Variants in CCDC7 observed in about 807,000 individuals in gnomAD.
CCDC7 encodes the protein coiled-coil domain containing 7, also known as coiled-coil domain-containing protein 7.
CCDC7 carries 183 observed loss-of-function variants against 196.9 expected under a neutral mutation model. The observed-to-expected ratio is 0.93, with a 90% CI of 0.82 to 1.05. The LOEUF (loss-of-function observed/expected upper bound fraction) is 1.05. CCDC7 is among the 50% of genes least tolerant of loss of function. The pLI, the probability that CCDC7 is intolerant of heterozygous loss-of-function variation, is 0.00. For synonymous variants in CCDC7, 525 were observed against 484.6 expected, an observed-to-expected ratio of 1.08 and a Z score of -1.10; for missense variants, 1,540 against 1,482.2, an observed-to-expected ratio of 1.04 and a Z score of -0.64.
At chr10:32,463,336 C>T (rs1226729892) in intron 5 of CCDC7, among the ~76,000 whole-genome samples, 9 of 152,022 alleles carry the variant, frequency 5.9e-5, no homozygotes, top group Admixed American at 5.2e-4. Context: ...TTCCAATTTA[C>T]ATAAAAGGGT....
chr10:32,758,782 A>C (rs542281656), intron 28 of CCDC7, among the ~76,000 whole-genome samples: 4 of 152,304 alleles, frequency 2.6e-5, no homozygotes, highest in African/African-American at 9.6e-5. Flanking sequence ...AAGGGTATTC[A>C]ATTAGGAAAA....
intron 24 of CCDC7, among the ~76,000 whole-genome samples, chr10:32,704,980 C>A (rs1404597261): frequency 3.9e-5 from 6 of 152,148 alleles, no homozygotes; most frequent in African/African-American, 7.2e-5. Context: ...CGATGCCTCG[C>A]CCTGCTTCGG....
intron 5 of CCDC7, among the ~76,000 whole-genome samples, chr10:32,463,853 G>A (rs1222955620): frequency 6.6e-6 from 1 of 152,100 alleles, no homozygotes; most frequent in Non-Finnish European, 1.5e-5. Flanking sequence ...GTTTGCTTTA[G>A]GATACATTTG....
At chr10:32,852,926 A>G (rs184620613) in intron 40 of CCDC7, among the ~76,000 whole-genome samples, 35 of 152,316 alleles carry the variant, frequency 2.3e-4, no homozygotes, top group Non-Finnish European at 4.3e-4. Flanking sequence ...TAAAATAATA[A>G]GCAAAATCCT....
intron 1 of CCDC7, 37 bp downstream of exon 1, chr10:32,446,434 A>G (rs1235859381): frequency 6.6e-6 from 1 of 152,222 alleles, no homozygotes. Flanking sequence ...CGGCTCCCTT[A>G]GCAGGACCTG....
In CCDC7 at chr10:32,584,895, T is replaced by C. The variant is rs192210834; in HGVS notation, c.1801+591T>C. ...AGTATGTGGCATTATGAATTCTTAA[T>C]ATGACACCCGAAATTAATCTGAGCA... is the stretch of plus-strand genomic sequence containing the variant. On this transcript the variant is annotated intron_variant, in intron 18 of 41. Coordinates refer to ENST00000639629, the Ensembl canonical transcript of CCDC7. Among the ~76,000 whole-genome samples, 297 of 152,102 alleles carry C rather than the reference T, an allele frequency of 2.0e-3. 1 individual carries two copies. Among genetic ancestry groups the C allele is most frequent in the Middle Eastern group, 6.8e-3 (2 of 294 alleles).
chr10:32,486,896 T>C (rs373704585), intron 8 of CCDC7, among the ~76,000 whole-genome samples: 4 of 152,118 alleles, frequency 2.6e-5, no homozygotes, highest in South Asian at 2.1e-4. Context: ...TGTTGGTAAC[T>C]GGACCTTTCT....
intron 37 of CCDC7, among the ~76,000 whole-genome samples, chr10:32,847,383 G>A (rs2093344759): frequency 6.6e-6 from 1 of 152,216 alleles, no homozygotes; most frequent in Non-Finnish European, 1.5e-5. Context: ...ATAACTGTTT[G>A]TGAGAGTTCC....
intron 18 of CCDC7, among the ~76,000 whole-genome samples, chr10:32,619,352 T>C (rs2063123146): frequency 6.6e-6 from 1 of 151,928 alleles, no homozygotes; most frequent in African/African-American, 2.4e-5. Context: ...GAGATAAATA[T>C]ACAAAAATCA....
At chr10:32,443,441 T>C (rs953014352), upstream of CCDC7, among the ~76,000 whole-genome samples, 2 of 140,844 alleles carry the variant, frequency 1.4e-5, 1 homozygote, top group Middle Eastern at 7.2e-3. Flanking sequence ...ATAATATGTA[T>C]GGTATGTGTC....
exon 32 of CCDC7, chr10:32,824,528 A>G (rs761745273): frequency 1.2e-6 from 2 of 1,605,622 alleles, no homozygotes; most frequent in South Asian, 2.2e-5. Context: ...AGACTGATGA[A>G]CGATTGCATA....
rs113888697 is a variant in CCDC7, at chr10:32,456,288, C to T, written c.410C>T (p.Ser137Leu). The T allele has an allele frequency of 3.4e-5, 53 of 1,566,334 alleles. No homozygotes were observed. The highest frequency in any genetic ancestry group is 3.1e-4 in the African/African-American group (23 of 74,376). Residue 137 changes from serine to leucine, a missense_variant, in exon 3 of 42, where the codon TCG (serine) becomes TTG (leucine). Transcript: ENST00000639629. ...ATGAATTCATTCTTGACATATTGTT[C>T]GCAATTTGCAGCTCAGCTAGAAGAA...
intron 28 of CCDC7, among the ~76,000 whole-genome samples, chr10:32,742,761 G>T (rs973616142): frequency 6.6e-6 from 1 of 152,170 alleles, no homozygotes; most frequent in Non-Finnish European, 1.5e-5. Context: ...CCTTCTCACT[G>T]TACCTTCATG....
intron 3 of CCDC7, among the ~76,000 whole-genome samples, chr10:32,461,019 C>A (rs534899310): frequency 6.6e-6 from 1 of 152,026 alleles, no homozygotes; most frequent in Non-Finnish European, 1.5e-5. Flanking sequence ...CCTGAATGCA[C>A]GTAGTAACAT....
rs142159236 is a variant in CCDC7, at chr10:32,799,295, C to T, written c.3014-5720C>T. Among the ~76,000 whole-genome samples, 902 of 152,280 alleles carry T rather than the reference C, an allele frequency of 5.9e-3. 9 individuals carry two copies. The highest frequency in any genetic ancestry group is 0.021 in the African/African-American group (860 of 41,556). ...CCGAGAGGGCTCCACTGTGATTCAC[C>T]TATGGGGGCCTGCCAATGTCTCCAA... On this transcript the variant is annotated intron_variant, in intron 29 of 41. Transcript: ENST00000639629.
chr10:32,621,901 C>T (rs892733638), intron 18 of CCDC7, among the ~76,000 whole-genome samples: 2 of 152,160 alleles, frequency 1.3e-5, no homozygotes, highest in Admixed American at 1.3e-4. Flanking sequence ...TCTAGAAACA[C>T]CCTTACAGAC....
At chr10:32,634,709 A>G (rs936234142) in intron 19 of CCDC7, among the ~76,000 whole-genome samples, 2 of 152,118 alleles carry the variant, frequency 1.3e-5, no homozygotes, top group African/African-American at 4.8e-5. Flanking sequence ...ACACTATTTT[A>G]AGTTAACTCA....
chr10:32,810,985 A>G lies in CCDC7; in HGVS notation c.3098-3385A>G, dbSNP rs538233522. Among the ~76,000 whole-genome samples, 3 of 152,236 alleles carry G rather than the reference A, an allele frequency of 2.0e-5. 1 individual carries two copies. In the South Asian group the frequency reaches 6.2e-4, roughly 32 times the overall value. ...TGAAACAAATGAAAATGAAAATGCA[A>G]CATATCAAAACCTATGGGATATAAC... On this transcript the variant is annotated intron_variant, in intron 30 of 41. Coordinates refer to ENST00000639629, the Ensembl canonical transcript of CCDC7.
rs1473874699 is a variant in CCDC7, at chr10:32,565,541, C to G, written c.1135-17C>G. 1.3e-6 allele frequency: 2 copies of G among 1,599,804 alleles called. No individual in the cohort carries two copies. The highest frequency in any genetic ancestry group is 1.7e-6 in the Non-Finnish European group (2 of 1,174,336). On this transcript the variant is annotated splice_polypyrimidine_tract_variant and intron_variant, in intron 13 of 41. Transcript: ENST00000639629. The stretch of plus-strand genomic sequence containing the variant: ...ATACCAAAGTAAATACCTTTTTTCC[C>G]CCTTCTTACTTCCTAGAAAGTAGCA...
Sources: allele counts gnomAD v4.1 joint callset (sites outside exome capture counted in the v4.1 genomes callset), GRCh38; gene constraint gnomAD v4.1.1; transcripts MANE v1.5; gene names NCBI Gene and HGNC (gene_info 2026-07-23, HGNC 2026-07-21).